Variants in RAMP3 observed in about 807,000 individuals in gnomAD.
The protein encoded by RAMP3 is receptor activity modifying protein 3.
RAMP3 carries 14 observed loss-of-function variants against 13.5 expected under a neutral mutation model. The observed-to-expected ratio is 1.04, with a 90% CI of 0.69 to 1.63. RAMP3 has a LOEUF of 1.63. Among genes scored for constraint, RAMP3 ranks in the 40% most tolerant of loss-of-function variants. The pLI is 0.00. For missense variants in RAMP3, 200 were observed against 204.8 expected, an observed-to-expected ratio of 0.98 and a Z score of 0.14; for synonymous variants, 106 against 88.3, an observed-to-expected ratio of 1.20 and a Z score of -1.12.
At chr7:45,178,572 G>T (rs556036567) in intron 2 of RAMP3, among the ~76,000 whole-genome samples, 1 of 152,218 alleles carries the variant, frequency 6.6e-6, no homozygotes, top group Non-Finnish European at 1.5e-5. Context: ...TGGGGGAACT[G>T]CTTGCTGAAC....
chr7:45,160,114 C>T (rs1269509834), intron 1 of RAMP3, among the ~76,000 whole-genome samples: 11 of 151,768 alleles, frequency 7.2e-5, no homozygotes, highest in African/African-American at 1.2e-4. Flanking sequence ...GGGCAGATCT[C>T]GAGGTCAGGA....
At chr7:45,159,938 G>A (rs1010503603) in intron 1 of RAMP3, among the ~76,000 whole-genome samples, 7 of 152,188 alleles carry the variant, frequency 4.6e-5, no homozygotes, top group African/African-American at 1.7e-4. Flanking sequence ...ATCATTAAAT[G>A]ATGTCCTGCT....
At chr7:45,179,949 G>C (rs1292142687) in intron 2 of RAMP3, among the ~76,000 whole-genome samples, 1 of 152,250 alleles carries the variant, frequency 6.6e-6, no homozygotes, top group Non-Finnish European at 1.5e-5. Flanking sequence ...CGCAGCCCTG[G>C]AAACCGAGGA....
At chr7:45,179,982 A>G (rs1392075510) in intron 2 of RAMP3, among the ~76,000 whole-genome samples, 1 of 152,218 alleles carries the variant, frequency 6.6e-6, no homozygotes, top group Non-Finnish European at 1.5e-5. Flanking sequence ...AGGACCTGAG[A>G]ATTTCGGACT....
In RAMP3 at chr7:45,179,646, A is replaced by T. The variant is rs537647390; in HGVS notation, c.191+2205A>T. ...CCAGGAATAGGAGAGAGAGACAGAG[A>T]AGATGATCAGGAGGTCAGTGGTCAG... On this transcript the variant is annotated intron_variant, in intron 2 of 2. Coordinates refer to ENST00000242249, the MANE Select transcript of RAMP3 (RefSeq NM_005856.3). Among the ~76,000 whole-genome samples the T allele has an allele frequency of 4.6e-5, 7 of 152,334 alleles. No homozygotes were observed. The South Asian group carries it at 1.0e-3, about 23-fold the overall frequency.
chr7:45,170,632 C>T lies in RAMP3; in HGVS notation c.59-6677C>T, dbSNP rs543263376. Among the ~76,000 whole-genome samples, 115 of 145,000 alleles carry T rather than the reference C, an allele frequency of 7.9e-4. 1 individual carries two copies. The highest frequency in any genetic ancestry group is 2.7e-3 in the African/African-American group (103 of 38,056). On this transcript the variant is annotated intron_variant, in intron 1 of 2. Transcript: ENST00000242249. ...GATTACAGGCGTGAGCCTCTGCGCC[C>T]GGCCTTATTTTATTTATTTATTTAT...
At chr7:45,163,672 A>G in intron 1 of RAMP3, 1 of 985,478 alleles carries the variant, frequency 1.0e-6, no homozygotes, top group Non-Finnish European at 1.2e-6. Context: ...GGAAACACAC[A>G]GAATCAGAAT....
chr7:45,175,917 C>T (rs931764695), intron 1 of RAMP3, among the ~76,000 whole-genome samples: 5 of 152,136 alleles, frequency 3.3e-5, no homozygotes, highest in Admixed American at 6.6e-5. Context: ...GGTCCCTGCA[C>T]CAGAAAGTGG....
intron 1 of RAMP3, chr7:45,163,779 C>T (rs1294481439): frequency 5.1e-6 from 5 of 985,274 alleles, no homozygotes; most frequent in Non-Finnish European, 6.0e-6. Flanking sequence ...GATGAGGTCT[C>T]TGTCTTCTGG....
intron 2 of RAMP3, among the ~76,000 whole-genome samples, chr7:45,181,692 G>T (rs193286606): frequency 2.6e-5 from 4 of 152,208 alleles, no homozygotes; most frequent in African/African-American, 9.7e-5. Flanking sequence ...CTGAATCTGA[G>T]GCCCTGTGGG....
At chr7:45,179,316 CA>C (rs1451476692) in intron 2 of RAMP3, among the ~76,000 whole-genome samples, 1 of 151,870 alleles carries the variant, frequency 6.6e-6, no homozygotes, top group Non-Finnish European at 1.5e-5. Context: ...AGCTCTTCTG[CA>C]GGGTCCCAGT....
intron 2 of RAMP3, among the ~76,000 whole-genome samples, chr7:45,179,082 T>C (rs1336285524): frequency 1.3e-5 from 2 of 152,188 alleles, no homozygotes; most frequent in East Asian, 1.9e-4. Flanking sequence ...TTCTTGGAGC[T>C]GGTGACACCA....
intron 1 of RAMP3, among the ~76,000 whole-genome samples, chr7:45,166,362 G>T (rs1259898215): frequency 6.6e-6 from 1 of 152,046 alleles, no homozygotes; most frequent in Non-Finnish European, 1.5e-5. Context: ...CATTCTGGTG[G>T]GTGTGAGTGG....
intron 1 of RAMP3, among the ~76,000 whole-genome samples, chr7:45,159,145 T>G (rs1785818508): frequency 6.6e-6 from 1 of 152,256 alleles, no homozygotes; most frequent in Non-Finnish European, 1.5e-5. Context: ...GTGGACCCAG[T>G]TCCTGAGGGC....
rs1786140581 is a variant in RAMP3 at position 45,174,469 on chromosome 7, C to T, written c.59-2840C>T. Reference sequence around the variant, plus strand: ...GCTGAAGCCATGTTGCTTTGGGCACCTGGACCCATCTTGCTCCACGCTCCT... The same window carrying T: ...GCTGAAGCCATGTTGCTTTGGGCACTTGGACCCATCTTGCTCCACGCTCCT... On this transcript the variant is annotated intron_variant, in intron 1 of 2. Coordinates refer to ENST00000242249, the MANE Select transcript of RAMP3 (RefSeq NM_005856.3). Among the ~76,000 whole-genome samples, 4 of 152,332 alleles carry T rather than the reference C, an allele frequency of 2.6e-5. No individual in the cohort carries two copies. In the South Asian group the frequency reaches 8.3e-4, roughly 32 times the overall value.
In RAMP3 at chr7:45,183,513, C is replaced by T; in HGVS notation, c.*101C>T. 5 of 1,502,310 alleles carry T rather than the reference C, an allele frequency of 3.3e-6. No homozygotes were observed. The highest frequency in any genetic ancestry group is 4.5e-6 in the Non-Finnish European group (5 of 1,106,584). 93.1% of individuals were successfully genotyped at this position (1,502,310 alleles called of 1,614,324 possible). A position where few individuals can be genotyped will look rare whatever the true frequency, so the allele number is the denominator to read the frequency against. ...TGCTGCCAATCTCCAGCTACTGTGG[C>T]CACACCCCACCTGGTCATGGGCAGA... On this transcript the variant is annotated 3_prime_UTR_variant, in exon 3 of 3. Transcript: ENST00000242249.
rs771091925 is a variant in RAMP3, at chr7:45,183,618, T to C, written c.*206T>C. On this transcript the variant is annotated 3_prime_UTR_variant, in exon 3 of 3. Coordinates refer to ENST00000242249, the MANE Select transcript of RAMP3 (RefSeq NM_005856.3). ...AGGCTCAGGCTATCCGCCCAAGCTC[T>C]TTGCTCATTCTAGGGCCAGTGGAGG... 5.3e-5 allele frequency: 37 copies of C among 694,250 alleles called. No individual in the cohort carries two copies. The highest frequency in any genetic ancestry group is 2.0e-4 in the Admixed American group (7 of 35,306). 43.0% of individuals were successfully genotyped at this position (694,250 alleles called of 1,614,324 possible).
intron 1 of RAMP3, among the ~76,000 whole-genome samples, chr7:45,171,661 C>T (rs977150009): frequency 3.9e-5 from 6 of 151,988 alleles, no homozygotes; most frequent in African/African-American, 1.5e-4. Context: ...GGCTGTAGTG[C>T]AGTGGCATGA....
intron 1 of RAMP3, chr7:45,163,566 T>C: frequency 1.0e-6 from 1 of 985,204 alleles, no homozygotes; most frequent in Non-Finnish European, 1.2e-6. Flanking sequence ...TGGGACAAGC[T>C]GGAGGCTGGG....
Sources: allele counts gnomAD v4.1 joint callset (sites outside exome capture counted in the v4.1 genomes callset), GRCh38; gene constraint gnomAD v4.1.1; transcripts MANE v1.5; gene names NCBI Gene and HGNC (gene_info 2026-07-23, HGNC 2026-07-21).